The following GLP1R variants were observed in gnomAD, a reference collection of about 807,000 sequenced individuals.
GLP1R encodes the protein glucagon like peptide 1 receptor.
GLP1R carries 32 observed loss-of-function variants against 68.4 expected under a neutral mutation model. That is an observed-to-expected ratio of 0.47 (90% CI 0.35 to 0.63). The LOEUF is 0.63. Among genes scored for constraint, GLP1R ranks in the 20% least tolerant of loss-of-function variants. GLP1R has a pLI of 0.00. For synonymous variants in GLP1R, 263 were observed against 244.4 expected, an observed-to-expected ratio of 1.08 and a Z score of -0.71; for missense variants, 502 against 594.9, an observed-to-expected ratio of 0.84 and a Z score of 1.62.
intron 7 of GLP1R, among the ~76,000 whole-genome samples, chr6:39,075,266 G>T (rs114849664): frequency 6.6e-6 from 1 of 152,168 alleles, no homozygotes; most frequent in Non-Finnish European, 1.5e-5. Context: ...TTTTCTCCCC[G>T]AGGCTTCTTC....
intron 7 of GLP1R, among the ~76,000 whole-genome samples, chr6:39,075,939 A>G (rs1451824773): frequency 6.6e-6 from 1 of 152,194 alleles, no homozygotes; most frequent in Non-Finnish European, 1.5e-5. Context: ...TCTTAATTTG[A>G]GCTTTTTTCT....
At chr6:39,056,115 C>G (rs1377762333) in intron 1 of GLP1R, among the ~76,000 whole-genome samples, 1 of 152,188 alleles carries the variant, frequency 6.6e-6, no homozygotes, top group Non-Finnish European at 1.5e-5. Context: ...TCCTCCTTCA[C>G]CCACCCACCT....
chr6:39,069,501 C>T (rs527246870), intron 5 of GLP1R, among the ~76,000 whole-genome samples: 42 of 152,128 alleles, frequency 2.8e-4, no homozygotes, highest in African/African-American at 3.9e-4. Context: ...GGTGCGGTGG[C>T]GGGCGCCTGT....
At chr6:39,080,390 T>C (rs1451577827) in intron 11 of GLP1R, among the ~76,000 whole-genome samples, 1 of 152,218 alleles carries the variant, frequency 6.6e-6, no homozygotes, top group Non-Finnish European at 1.5e-5. Context: ...AGGTTGGATG[T>C]AGGATCTCTA....
chr6:39,054,332 T>A (rs1239199995), intron 1 of GLP1R, among the ~76,000 whole-genome samples: 2 of 152,058 alleles, frequency 1.3e-5, no homozygotes, highest in Non-Finnish European at 2.9e-5. Context: ...CTGGGTAGTT[T>A]GCACTGTGTG....
At chr6:39,065,447 GGCTGAGGGTGGA>G (rs11267090) in intron 3 of GLP1R, among the ~76,000 whole-genome samples, 1,823 of 152,342 alleles carry the variant, frequency 0.012, 42 homozygotes, top group African/African-American at 0.041. Context: ...CGAGAGGCAG[GGCTGAGGGTGGA>G]GCTGAGGAGC....
rs1382481790 is a variant in GLP1R, at chr6:39,079,458, T to C, written c.1044-106T>C. 11 of 1,174,020 alleles carry C rather than the reference T, an allele frequency of 9.4e-6. No individual in the cohort carries two copies. Among genetic ancestry groups the C allele is most frequent in the Non-Finnish European group, 1.3e-5 (11 of 829,494 alleles). 72.7% of individuals were successfully genotyped at this position (1,174,020 alleles called of 1,614,324 possible). A position where few individuals can be genotyped will look rare whatever the true frequency, so the allele number is the denominator to read the frequency against. ...GGTATTTGGGGTGGGAGAACATCCA[T>C]GACCCAGATATCAGGACTTGGTAGG... On this transcript the variant is annotated intron_variant, in intron 10 of 12. Transcript: ENST00000373256. The surrounding 1 kb of genome is among the most constrained non-coding windows in gnomAD (Gnocchi z 4.5).
In GLP1R at chr6:39,079,316, C is replaced by T; in HGVS notation, c.1043+116C>T. On this transcript the variant is annotated intron_variant, in intron 10 of 12. Transcript: ENST00000373256. This position sits in a 1 kb window ranked among gnomAD's most constrained non-coding sequence, Gnocchi z 4.5. Reference sequence around the variant, plus strand: ...GCTTAGAGCCCTACACTACCCTCTCCTTCCACCCAGGCCTGGCCTTGGACC... The same window carrying T: ...GCTTAGAGCCCTACACTACCCTCTCTTTCCACCCAGGCCTGGCCTTGGACC... 2 of 886,002 alleles carry T rather than the reference C, an allele frequency of 2.3e-6. No homozygotes were observed. The highest frequency in any genetic ancestry group is 3.7e-6 in the Non-Finnish European group (2 of 542,784). The allele number at this position is 886,002 out of a possible 1,614,324, so 54.9% of individuals were successfully genotyped here.
At chr6:39,075,066 C>A (rs1260967857) in intron 7 of GLP1R, among the ~76,000 whole-genome samples, 1 of 152,238 alleles carries the variant, frequency 6.6e-6, no homozygotes, top group Non-Finnish European at 1.5e-5. Flanking sequence ...GGCCTCCTGA[C>A]TCCCAGGCTC....
At chr6:39,071,303 G>T (rs1474027923) in intron 5 of GLP1R, among the ~76,000 whole-genome samples, 1 of 132,758 alleles carries the variant, frequency 7.5e-6, no homozygotes, top group East Asian at 2.2e-4. Flanking sequence ...CCGAGATCAC[G>T]TCACTGCACT....
intron 3 of GLP1R, among the ~76,000 whole-genome samples, chr6:39,060,124 G>A (rs1223685614): frequency 6.6e-6 from 1 of 152,204 alleles, no homozygotes; most frequent in African/African-American, 2.4e-5. Context: ...CTGCGTAATT[G>A]CTGCCTCTGG....
chr6:39,085,871 T>A, intron 12 of GLP1R, 35 bp from the exon 13 acceptor site: 3 of 1,608,536 alleles, frequency 1.9e-6, no homozygotes, highest in Non-Finnish European at 2.6e-6. Context: ...TTGGTTTGCA[T>A]GATGGCTTTC....
Position 39,073,624 on chromosome 6 carries a change from C to T in GLP1R, c.678C>T (p.Cys226=). Residue 226 remains cysteine (C), a synonymous_variant, in exon 7 of 13, where the codon TGC becomes TGT. Transcript: ENST00000373256. ...GLLSYQDSLS[C]RLVFLLMQYC... Reference sequence around the variant, plus strand: ...TCTACCCCCAGGACTCTCTGAGCTGCCGCCTGGTGTTTCTGCTCATGCAGT... The same window carrying T: ...TCTACCCCCAGGACTCTCTGAGCTGTCGCCTGGTGTTTCTGCTCATGCAGT... The T allele has an allele frequency of 6.2e-7, 1 of 1,613,898 alleles. No individual in the cohort carries two copies. The highest frequency in any genetic ancestry group is 1.3e-5 in the African/African-American group (1 of 75,032).
rs529608683 is a variant in GLP1R, at chr6:39,049,139, C to A, written c.78+221C>A. On this transcript the variant is annotated intron_variant, in intron 1 of 12. Coordinates refer to ENST00000373256, the MANE Select transcript of GLP1R (RefSeq NM_002062.5). This position sits in a 1 kb window ranked among gnomAD's most constrained non-coding sequence, Gnocchi z 4.5. Reference sequence around the variant, plus strand: ...TACAGAGGATTCCCCCCAACCCCAGCGAGGCGCCCTCTTCCTCGCCACCCG... The same window carrying A: ...TACAGAGGATTCCCCCCAACCCCAGAGAGGCGCCCTCTTCCTCGCCACCCG... 6.6e-6 allele frequency among the ~76,000 whole-genome samples: 1 copy of A among 152,172 alleles called. No individual in the cohort carries two copies. The highest frequency in any genetic ancestry group is 1.5e-5 in the Non-Finnish European group (1 of 68,010).
At position 39,074,916 on chromosome 6, in the gene GLP1R, C is replaced by T. The variant is rs74528270; in HGVS notation, c.823+1147C>T. ...ACTTCATTTATTTTTACTGGTGTTC[C>T]TCAGCCATTTTTCTCTATACAGCTC... On this transcript the variant is annotated intron_variant, in intron 7 of 12. Transcript: ENST00000373256. 9.0e-3 allele frequency among the ~76,000 whole-genome samples: 1,374 copies of T among 152,280 alleles called. 27 individuals are homozygous for T. The highest frequency in any genetic ancestry group is 0.03 in the African/African-American group (1,266 of 41,566).
intron 3 of GLP1R, among the ~76,000 whole-genome samples, chr6:39,064,005 T>A (rs1325932205): frequency 6.8e-6 from 1 of 147,322 alleles, no homozygotes; most frequent in Non-Finnish European, 1.5e-5. Flanking sequence ...CAGTTCTTTT[T>A]TTTTTTTTTT....
At chr6:39,074,328 CAAA>C (rs1768756788) in intron 7 of GLP1R, 1 of 151,962 alleles carries the variant, frequency 6.6e-6, no homozygotes, top group African/African-American at 2.4e-5. Flanking sequence ...ATGTTCTAGC[CAAA>C]AAAGTTTGCC....
chr6:39,075,379 G>A (rs967501954), intron 7 of GLP1R, among the ~76,000 whole-genome samples: 5 of 152,144 alleles, frequency 3.3e-5, no homozygotes, highest in Admixed American at 2.6e-4. Flanking sequence ...TAGCATCAGC[G>A]CTGTTAGTGC....
chr6:39,049,488 C>A lies in GLP1R; in HGVS notation c.78+570C>A, dbSNP rs904149712. Among the ~76,000 whole-genome samples the A allele has an allele frequency of 1.3e-4, 20 of 152,094 alleles. No homozygotes were observed. The highest frequency in any genetic ancestry group is 3.4e-4 in the African/African-American group (14 of 41,388). On this transcript the variant is annotated intron_variant, in intron 1 of 12. Transcript: ENST00000373256. The surrounding 1 kb of genome is among the most constrained non-coding windows in gnomAD (Gnocchi z 4.5). ...TTGATTCATGGCTCCTGGGGCCCTG[C>A]GGTGGCAGCTTGTCCTTCCCAGTGA...
Sources: allele counts gnomAD v4.1 joint callset (sites outside exome capture counted in the v4.1 genomes callset), GRCh38; gene constraint gnomAD v4.1.1; non-coding constraint Gnocchi (gnomAD v3.1); transcripts MANE v1.5; gene names NCBI Gene and HGNC (gene_info 2026-07-23, HGNC 2026-07-21).